C12orf54: variants seen among roughly 807,000 people sequenced by gnomAD.
The protein encoded by C12orf54 is uncharacterized protein C12orf54.
Under a neutral mutation model 26.4 loss-of-function variants are expected in C12orf54, and 24 were observed. The ratio of observed to expected loss-of-function variants is 0.91; its 90% confidence interval spans 0.66 to 1.28. The LOEUF (loss-of-function observed/expected upper bound fraction) is 1.28, where lower values mean the gene tolerates loss of function less well. Ranked by LOEUF, C12orf54 falls within the 50% of genes most tolerant of loss-of-function variation. The pLI, the probability that C12orf54 is intolerant of heterozygous loss-of-function variation, is 0.00. For missense variants in C12orf54, 154 were observed against 150.9 expected (o/e 1.02, Z -0.11); for synonymous variants, 54 against 47.0 (o/e 1.15, Z -0.61).
At chr12:48,487,468 C>T (rs1208230289) in intron 4 of C12orf54, among the ~76,000 whole-genome samples, 1 of 152,158 alleles carries the variant, frequency 6.6e-6, no homozygotes, top group East Asian at 1.9e-4. Context: ...TTTTCTGTGA[C>T]ATTCAATGAC....
chr12:48,473,442 T>C, the C12orf54 span: 1 of 615,878 alleles, frequency 1.6e-6, no homozygotes, highest in Non-Finnish European at 2.8e-6. Flanking sequence ...GAAAAATTCC[T>C]TTTGTGATTT....
At chr12:48,470,531 T>G in the C12orf54 span, among the ~76,000 whole-genome samples, 7 of 152,256 alleles carry the variant, frequency 4.6e-5, no homozygotes, top group South Asian at 1.5e-3. Flanking sequence ...GCTTTTTGCT[T>G]GTTGATTTAA....
intron 6 of C12orf54, among the ~76,000 whole-genome samples, chr12:48,491,538 C>T (rs1164182661): frequency 6.6e-6 from 1 of 152,168 alleles, no homozygotes; most frequent in African/African-American, 2.4e-5. Context: ...CCTGAGAACA[C>T]TCTCATGCCT....
chr12:48,491,468 T>G lies in C12orf54; in HGVS notation c.193+632T>G, dbSNP rs144063960. The stretch of plus-strand genomic sequence containing the variant: ...ATTTGGAGGTGACATAGGCATTCAG[T>G]CTACAGCACGTGGACAGGGATGGAA... On this transcript the variant is annotated intron_variant, in intron 6 of 8. Coordinates refer to ENST00000548364, the MANE Select transcript of C12orf54 (RefSeq NM_152319.4). Among the ~76,000 whole-genome samples the G allele has an allele frequency of 2.0e-5, 3 of 152,306 alleles. No individual in the cohort carries two copies. In the East Asian group the frequency reaches 5.8e-4, roughly 29 times the overall value.
At chr12:48,480,120 A>C (rs1028046220), upstream of C12orf54, among the ~76,000 whole-genome samples, 3 of 152,334 alleles carry the variant, frequency 2.0e-5, no homozygotes, top group East Asian at 5.8e-4. Context: ...CAAAAACACA[A>C]ATATCCAAAC....
the C12orf54 span, among the ~76,000 whole-genome samples, chr12:48,425,503 G>A: frequency 6.6e-6 from 1 of 152,094 alleles, no homozygotes; most frequent in Non-Finnish European, 1.5e-5. Flanking sequence ...TTGATTCCAT[G>A]TCTTTGCTGT....
chr12:48,447,902 G>T, the C12orf54 span, among the ~76,000 whole-genome samples: 4 of 152,198 alleles, frequency 2.6e-5, no homozygotes, highest in African/African-American at 9.7e-5. Context: ...AAGTCAAAGA[G>T]ATTTAAAGCA....
the C12orf54 span, among the ~76,000 whole-genome samples, chr12:48,470,107 T>G: frequency 6.6e-6 from 1 of 152,214 alleles, no homozygotes; most frequent in Non-Finnish European, 1.5e-5. Context: ...GATGAGCACC[T>G]AGGTTGATTC....
At chr12:48,425,523 T>C in the C12orf54 span, among the ~76,000 whole-genome samples, 1 of 152,180 alleles carries the variant, frequency 6.6e-6, no homozygotes, top group Non-Finnish European at 1.5e-5. Context: ...TTGTGAATAG[T>C]GCTGCAATGA....
the C12orf54 span, among the ~76,000 whole-genome samples, chr12:48,431,207 T>A: frequency 6.6e-6 from 1 of 152,164 alleles, no homozygotes; most frequent in Non-Finnish European, 1.5e-5. Context: ...ACTGCTCAGG[T>A]GATGGGTACA....
chr12:48,486,072 T>A, intron 2 of C12orf54, 106 bp from the exon 3 acceptor site: 1 of 1,153,364 alleles, frequency 8.7e-7, no homozygotes, highest in Non-Finnish European at 1.3e-6. Context: ...ATTTTTAGTA[T>A]AGAAACTTCA....
the C12orf54 span, chr12:48,472,633 G>T: frequency 9.9e-6 from 16 of 1,612,708 alleles, no homozygotes; most frequent in African/African-American, 2.7e-5. Flanking sequence ...AATTCCGCTG[G>T]CTCAGGAGCC....
At chr12:48,492,765 C>G in intron 6 of C12orf54, 182 bp from the exon 7 acceptor site, 1 of 605,734 alleles carries the variant, frequency 1.7e-6, no homozygotes, top group Non-Finnish European at 3.1e-6. Context: ...TCACAGGGGG[C>G]CAGATTTCTG....
At chr12:48,481,124 T>C (rs1023944073), upstream of C12orf54, among the ~76,000 whole-genome samples, 1 of 152,058 alleles carries the variant, frequency 6.6e-6, no homozygotes, top group African/African-American at 2.4e-5. Context: ...ACAGGATCAA[T>C]AGAAGCCCAA....
upstream of C12orf54, among the ~76,000 whole-genome samples, chr12:48,481,421 G>A (rs1389915434): frequency 6.6e-6 from 1 of 152,058 alleles, no homozygotes; most frequent in African/African-American, 2.4e-5. Context: ...TTAGAGGGTG[G>A]GAGAGAGTAA....
At chr12:48,488,475 T>G in intron 4 of C12orf54, 2 of 299,346 alleles carry the variant, frequency 6.7e-6, no homozygotes, top group South Asian at 2.9e-5. Flanking sequence ...TGAATAAACT[T>G]ACAGCCAAAA....
At chr12:48,451,059 A>G in the C12orf54 span, among the ~76,000 whole-genome samples, 10 of 152,198 alleles carry the variant, frequency 6.6e-5, no homozygotes, top group Admixed American at 3.9e-4. Flanking sequence ...AATATCCTTG[A>G]TGAACATCAA....
the C12orf54 span, among the ~76,000 whole-genome samples, chr12:48,440,152 G>T: frequency 2.0e-5 from 3 of 151,950 alleles, no homozygotes; most frequent in Non-Finnish European, 4.4e-5. Context: ...TTGAACCTGG[G>T]AGGCGGAGGT....
the C12orf54 span, among the ~76,000 whole-genome samples, chr12:48,443,232 C>A: frequency 6.6e-6 from 1 of 152,052 alleles, no homozygotes; most frequent in Non-Finnish European, 1.5e-5. Context: ...ATTAAGGCTA[C>A]TAGAGAGTGT....
Sources: allele counts gnomAD v4.1 joint callset (sites outside exome capture counted in the v4.1 genomes callset), GRCh38; gene constraint gnomAD v4.1.1; transcripts MANE v1.5; gene names NCBI Gene and HGNC (gene_info 2026-07-23, HGNC 2026-07-21).